SREBF2: variants seen among roughly 807,000 people sequenced by gnomAD.
SREBF2 encodes sterol regulatory element-binding protein 2.
A neutral mutation model predicts 113.1 loss-of-function variants in SREBF2; 55 were observed. The observed-to-expected ratio is 0.49, with a 90% CI of 0.39 to 0.61. SREBF2 has a LOEUF of 0.61. Ranked by LOEUF, SREBF2 falls within the 20% of genes least tolerant of loss-of-function variation. The probability of loss-of-function intolerance (pLI) is 0.00; values close to 1 mark genes in which losing one functional copy is unlikely to be tolerated. For synonymous variants in SREBF2, 593 were observed against 605.7 expected (o/e 0.98, Z 0.31); for missense variants, 1,349 against 1,487.4 (o/e 0.91, Z 1.53).
intron 15 of SREBF2, chr22:41,899,935 T>C (rs2077450667): frequency 8.8e-7 from 1 of 1,142,250 alleles, no homozygotes; most frequent in African/African-American, 1.6e-5. Flanking sequence ...GCTAACTAAG[T>C]ATCTCCAGAG....
At chr22:41,852,007 G>C (rs2148354763) in intron 1 of SREBF2, among the ~76,000 whole-genome samples, 1 of 152,114 alleles carries the variant, frequency 6.6e-6, no homozygotes, top group South Asian at 2.1e-4. Flanking sequence ...TGTAGTCTCA[G>C]CTACTTGGGA....
In SREBF2 at chr22:41,894,856, A is replaced by G. The variant is rs778990467; in HGVS notation, c.2414A>G (p.Lys805Arg). 13 of 1,614,056 alleles carry G rather than the reference A, an allele frequency of 8.1e-6. No individual in the cohort carries two copies. The Admixed American group carries it at 1.3e-4, about 17-fold the overall frequency. Residue 805 changes from lysine (K) to arginine (R), a missense_variant, in exon 13 of 19, where the codon AAG becomes AGG. Physicochemically the swap from Lys to Arg is conservative, Grantham distance 26. Around this residue, in one of 2 missense-constraint regions of SREBF2, gnomAD observed 650 missense variants for 644.1 expected, o/e 1.01. Transcript: ENST00000361204. ...PIAQVHQAFC[K>R]NLLERAIESL... ...GCGCAGGTCCACCAGGCCTTCTGCAAGAACCTGCTGGAGCGAGCTATAGAG... is the reference window on the plus strand; with the variant it reads ...GCGCAGGTCCACCAGGCCTTCTGCAGGAACCTGCTGGAGCGAGCTATAGAG...
chr22:41,880,940 C>T lies in SREBF2; in HGVS notation c.1986C>T (p.Ser662=), dbSNP rs749846786. 3.7e-6 allele frequency: 6 copies of T among 1,612,286 alleles called. No individual in the cohort carries two copies. The highest frequency in any genetic ancestry group is 1.3e-5 in the African/African-American group (1 of 74,934). ...EAGFEDEAKT[S]ARDAALAYHR... ...GCTTTGAAGACGAAGCTAAGACCAGCGCCCGGGATGCGGCTCTGGCCTATC... is the reference window on the plus strand; with the variant it reads ...GCTTTGAAGACGAAGCTAAGACCAGTGCCCGGGATGCGGCTCTGGCCTATC... Residue 662 remains serine (S), a synonymous_variant, in exon 10 of 19, where the codon AGC becomes AGT. Coordinates refer to ENST00000361204, the MANE Select transcript of SREBF2 (RefSeq NM_004599.4).
In SREBF2 at chr22:41,904,942, T is replaced by TGCG. The variant is rs1173813334; in HGVS notation, c.3180_3182dup (p.Arg1061dup). On this transcript the variant is annotated inframe_insertion, in exon 18 of 19. Coordinates refer to ENST00000361204, the MANE Select transcript of SREBF2 (RefSeq NM_004599.4). ...ACCCACCAGCTGCTGGAACACAGCC[T>TGCG]GCGGCGGCGCACCACGCAGAGCACC... The TGCG allele has an allele frequency of 6.2e-7, 1 of 1,602,806 alleles. No individual in the cohort carries two copies. The highest frequency in any genetic ancestry group is 1.3e-5 in the African/African-American group (1 of 74,838).
At chr22:41,881,152 G>T (rs1324650820) in intron 10 of SREBF2, among the ~76,000 whole-genome samples, 160 bp downstream of exon 10, 1 of 152,248 alleles carries the variant, frequency 6.6e-6, no homozygotes, top group Non-Finnish European at 1.5e-5. Context: ...ACAGCTGTAA[G>T]GTTGGCTCTT....
Position 41,864,324 on chromosome 22 carries a change from T to TATATA in SREBF2, c.89-2507_89-2506insATATA, listed in dbSNP as rs34701406. Among the ~76,000 whole-genome samples, 841 of 95,490 alleles carry TATATA rather than the reference T, an allele frequency of 8.8e-3. 35 individuals carry two copies. Among genetic ancestry groups the TATATA allele is most frequent in the Admixed American group, 0.043 (351 of 8,250 alleles). The allele number at this position is 95,490 out of a possible 152,430, so 62.6% of individuals were successfully genotyped here. On this transcript the variant is annotated intron_variant, in intron 1 of 18. Coordinates refer to ENST00000361204, the MANE Select transcript of SREBF2 (RefSeq NM_004599.4). ...ATATATATATGTATATATATATATA[T>TATATA]TTTTTTTTTTTTTTGAGACTGAGTC...
At chr22:41,850,835 G>C (rs1455660709) in intron 1 of SREBF2, among the ~76,000 whole-genome samples, 1 of 152,164 alleles carries the variant, frequency 6.6e-6, no homozygotes, top group East Asian at 1.9e-4. Flanking sequence ...CTGCCTCCAG[G>C]GTTCAAGTGA....
rs966560123 is a variant in SREBF2 at position 41,905,915 on chromosome 22, C to G, written c.*255C>G. The G allele has an allele frequency of 5.2e-5, 35 of 667,064 alleles. No individual in the cohort carries two copies. The highest frequency in any genetic ancestry group is 4.6e-4 in the African/African-American group (26 of 56,536). The allele number at this position is 667,064 out of a possible 1,614,324, so 41.3% of individuals were successfully genotyped here. On this transcript the variant is annotated 3_prime_UTR_variant, in exon 19 of 19. Transcript: ENST00000361204. ...AAACTGGGCAGCCCTGACTTGATAG[C>G]AGCAGGGGGAGCTCCCAAGCTGCCA...
intron 15 of SREBF2, 38 bp downstream of exon 15, chr22:41,898,819 C>G (rs753592235): frequency 1.2e-6 from 2 of 1,611,496 alleles, no homozygotes; most frequent in Non-Finnish European, 1.7e-6. Context: ...TGCTTCTCTC[C>G]AGGGGAATCT....
intron 1 of SREBF2, among the ~76,000 whole-genome samples, chr22:41,853,562 G>A (rs1049112762): frequency 6.6e-6 from 1 of 152,126 alleles, no homozygotes; most frequent in Admixed American, 6.6e-5. Flanking sequence ...TTATCTCTGT[G>A]CCTGGTACAC....
At chr22:41,893,039 G>T in intron 11 of SREBF2, 78 bp from the exon 12 acceptor site, 1 of 1,560,214 alleles carries the variant, frequency 6.4e-7, no homozygotes, top group Non-Finnish European at 8.8e-7. Context: ...CTCCACCATG[G>T]TGCTTTCTGC....
rs1413745475 is a variant in SREBF2 at position 41,897,125 on chromosome 22, C to CG, written c.2569_2570insG (p.Pro857ArgfsTer108). ...GGACTCTGTGGGGGTTATGAGCCCC[C>CG]CACTCTCCAGGAGCTCCGTGCTCAA... On this transcript the variant is annotated frameshift_variant, in exon 14 of 19. Coordinates refer to ENST00000361204, the MANE Select transcript of SREBF2 (RefSeq NM_004599.4). LOFTEE classifies it high-confidence loss of function. 6.2e-7 allele frequency: 1 copy of CG among 1,612,204 alleles called. No homozygotes were observed. The highest frequency in any genetic ancestry group is 8.5e-7 in the Non-Finnish European group (1 of 1,179,838).
Position 41,877,439 on chromosome 22 carries a change from G to C in SREBF2, c.1579+18G>C, listed in dbSNP as rs183867270. 102 of 1,613,376 alleles carry C rather than the reference G, an allele frequency of 6.3e-5. No homozygotes were observed. In the Admixed American group the frequency reaches 1.7e-3, roughly 27 times the overall value. On this transcript the variant is annotated intron_variant, in intron 8 of 18. Coordinates refer to ENST00000361204, the MANE Select transcript of SREBF2 (RefSeq NM_004599.4). ...CGAGTCAGGTAGGTGGAGGCCCCTT[G>C]CCCCACCTGGGCATGGCTGGACCAC...
chr22:41,886,129 G>C (rs565706711), intron 11 of SREBF2: 4 of 152,358 alleles, frequency 2.6e-5, no homozygotes, highest in Non-Finnish European at 5.9e-5. Context: ...TCTTGAGCTT[G>C]ACATTGATCT....
chr22:41,834,055 GT>G (rs2076745021), intron 1 of SREBF2: 1 of 152,646 alleles, frequency 6.6e-6, no homozygotes, highest in Non-Finnish European at 1.5e-5. Context: ...GGTGGCCTTT[GT>G]TCCAGCGCCT....
chr22:41,881,117 C>A, intron 10 of SREBF2, 125 bp downstream of exon 10: 1 of 1,277,450 alleles, frequency 7.8e-7, no homozygotes, highest in Non-Finnish European at 1.1e-6. Context: ...TTTAGAGTGG[C>A]TAGACCAAGC....
intron 11 of SREBF2, among the ~76,000 whole-genome samples, chr22:41,888,651 C>A (rs1032539052): frequency 6.6e-6 from 1 of 152,168 alleles, no homozygotes; most frequent in Non-Finnish European, 1.5e-5. Context: ...TGGGTTGTTT[C>A]CAGTATTTGC....
chr22:41,891,962 C>T (rs73165105), intron 11 of SREBF2, among the ~76,000 whole-genome samples: 14,923 of 152,270 alleles, frequency 0.098, 901 homozygotes, highest in Non-Finnish European at 0.13. Context: ...GATGTTATCC[C>T]GGCAAGTGGA....
intron 4 of SREBF2, 172 bp from the exon 5 acceptor site, chr22:41,873,626 T>C (rs2077166272): frequency 3.0e-6 from 2 of 664,844 alleles, no homozygotes; most frequent in Admixed American, 4.8e-5. Context: ...CAAGGTTCCG[T>C]GGCTCCTGAG....
Sources: allele counts gnomAD v4.1 joint callset (sites outside exome capture counted in the v4.1 genomes callset), GRCh38; gene constraint gnomAD v4.1.1; regional missense constraint gnomAD v4.1.1; transcripts MANE v1.5; gene names NCBI Gene and HGNC (gene_info 2026-07-23, HGNC 2026-07-21).